LHPP: variants seen among roughly 807,000 people sequenced by gnomAD.
LHPP encodes phospholysine phosphohistidine inorganic pyrophosphate phosphatase, also known as hLHPP.
Under a neutral mutation model 30.3 loss-of-function variants are expected in LHPP, and 24 were observed. That is an observed-to-expected ratio of 0.79 (90% CI 0.57 to 1.11). LHPP has a LOEUF of 1.11. LHPP is among the 50% of genes most tolerant of loss of function. The probability of loss-of-function intolerance (pLI) is 0.00; values close to 1 mark genes in which losing one functional copy is unlikely to be tolerated. For synonymous variants in LHPP, 150 were observed against 157.1 expected, an observed-to-expected ratio of 0.95 and a Z score of 0.34; for missense variants, 356 against 367.2, an observed-to-expected ratio of 0.97 and a Z score of 0.25.
chr10:124,472,690 T>C (rs1755993438), intron 1 of LHPP, among the ~76,000 whole-genome samples: 1 of 152,054 alleles, frequency 6.6e-6, no homozygotes, highest in South Asian at 2.1e-4. Flanking sequence ...CCTGAGTAGC[T>C]GGGACTACAG....
chr10:124,544,124 G>C (rs1468592104), intron 6 of LHPP, among the ~76,000 whole-genome samples: 1 of 152,208 alleles, frequency 6.6e-6, no homozygotes, highest in African/African-American at 2.4e-5. Context: ...GATGCTGAGA[G>C]CCCAGCAGAG....
intron 5 of LHPP, chr10:124,498,816 G>C (rs796898743): frequency 7.3e-4 from 231 of 317,476 alleles, no homozygotes; most frequent in African/African-American, 5.1e-3. Flanking sequence ...TACTAACCAG[G>C]CCCCCCCCCC....
intron 6 of LHPP, among the ~76,000 whole-genome samples, chr10:124,570,890 T>C (rs1948575314): frequency 1.3e-5 from 2 of 152,230 alleles, no homozygotes; most frequent in African/African-American, 2.4e-5. Context: ...TTTGGATTGC[T>C]TCCTGATATG....
chr10:124,485,535 G>A (rs1341980379), intron 2 of LHPP, among the ~76,000 whole-genome samples: 1 of 151,758 alleles, frequency 6.6e-6, no homozygotes, highest in Non-Finnish European at 1.5e-5. Flanking sequence ...TGGATTTTCT[G>A]TCTAACATTT....
chr10:124,513,831 CAT>C (rs906765613), intron 5 of LHPP, among the ~76,000 whole-genome samples: 5 of 150,484 alleles, frequency 3.3e-5, no homozygotes, highest in African/African-American at 7.3e-5. Context: ...AGCAATAACA[CAT>C]GTTAATGTGG....
chr10:124,494,356 A>G (rs1953635062), intron 3 of LHPP, among the ~76,000 whole-genome samples: 1 of 152,196 alleles, frequency 6.6e-6, no homozygotes, highest in African/African-American at 2.4e-5. Flanking sequence ...AGAAGCCCCC[A>G]GAATCCTCAG....
chr10:124,526,325 AC>A (rs1368390406), intron 6 of LHPP: 7 of 760,764 alleles, frequency 9.2e-6, no homozygotes, highest in African/African-American at 3.8e-5. Flanking sequence ...GCTCGTCTAC[AC>A]CCTGCAACAG....
chr10:124,592,836 A>G lies in LHPP; in HGVS notation c.717-20428A>G, dbSNP rs1396035882. ...ACAAGATTCCGTCTAGGAATCGTCCAGGGCGCGGCAGCCCGCCAGGAGCCC... is the reference window on the plus strand; with the variant it reads ...ACAAGATTCCGTCTAGGAATCGTCCGGGGCGCGGCAGCCCGCCAGGAGCCC... On this transcript the variant is annotated intron_variant, in intron 6 of 6. Transcript: ENST00000368842. The surrounding 1 kb of genome is among the most constrained non-coding windows in gnomAD (Gnocchi z 6.2). Among the ~76,000 whole-genome samples, 2 of 152,190 alleles carry G rather than the reference A, an allele frequency of 1.3e-5. No homozygotes were observed. Among genetic ancestry groups the G allele is most frequent in the Non-Finnish European group, 2.9e-5 (2 of 68,028 alleles).
chr10:124,575,623 C>T (rs1948647698), intron 6 of LHPP, among the ~76,000 whole-genome samples: 1 of 152,118 alleles, frequency 6.6e-6, no homozygotes, highest in South Asian at 2.1e-4. Flanking sequence ...AAGCTCTGAG[C>T]AGAGACCTCT....
intron 6 of LHPP, among the ~76,000 whole-genome samples, chr10:124,535,992 T>G (rs191361907): frequency 2.7e-4 from 41 of 152,352 alleles, no homozygotes; most frequent in Admixed American, 9.8e-4. Flanking sequence ...CAGGCAGGAT[T>G]CCCCTGGGCT....
At chr10:124,540,660 G>C (rs746284809) in intron 6 of LHPP, among the ~76,000 whole-genome samples, 4 of 152,228 alleles carry the variant, frequency 2.6e-5, no homozygotes, top group African/African-American at 7.2e-5. Context: ...CGTGGCTTGG[G>C]GTTCACGGTG....
chr10:124,478,384 G>C lies in LHPP; in HGVS notation c.126-5755G>C, dbSNP rs919178167. Among the ~76,000 whole-genome samples, 1 of 152,150 alleles carries C rather than the reference G, an allele frequency of 6.6e-6. No individual in the cohort carries two copies. Among genetic ancestry groups the C allele is most frequent in the African/African-American group, 2.4e-5 (1 of 41,440 alleles). The stretch of plus-strand genomic sequence containing the variant: ...CCGGGGCTAGAGGGCAGGGGGCCCA[G>C]CTGGGAGGGGCTCATGCTGCCCTTT... On this transcript the variant is annotated intron_variant, in intron 1 of 6. Transcript: ENST00000368842. The surrounding 1 kb of genome is among the most constrained non-coding windows in gnomAD (Gnocchi z 4.7).
chr10:124,611,288 C>T (rs1244033998), intron 6 of LHPP, among the ~76,000 whole-genome samples: 1 of 152,036 alleles, frequency 6.6e-6, no homozygotes, highest in East Asian at 1.9e-4. Context: ...GAGTAGAACT[C>T]AGTCAGATCC....
chr10:124,555,845 G>C (rs542912376), intron 6 of LHPP, among the ~76,000 whole-genome samples: 1 of 151,984 alleles, frequency 6.6e-6, no homozygotes, highest in South Asian at 2.1e-4. Context: ...GTTCTGCCCC[G>C]AGCTGTTTGT....
chr10:124,550,940 G>A (rs565290329), intron 6 of LHPP, among the ~76,000 whole-genome samples: 1 of 152,174 alleles, frequency 6.6e-6, no homozygotes, highest in Non-Finnish European at 1.5e-5. Context: ...TGGTGGACTA[G>A]AGCTCCGCTT....
In LHPP at chr10:124,549,595, G is replaced by GA. The variant is rs576658635; in HGVS notation, c.716+32326dup. 2.0e-3 allele frequency among the ~76,000 whole-genome samples: 305 copies of GA among 152,280 alleles called. 3 individuals are homozygous for GA. Among genetic ancestry groups the GA allele is most frequent in the African/African-American group, 6.7e-3 (278 of 41,570 alleles). On this transcript the variant is annotated intron_variant, in intron 6 of 6. Transcript: ENST00000368842. ...GTTAGCAAAACCTTAACAGTTCATA[G>GA]AAGAAATCATTTTTTACTTTTTTCC... is the stretch of plus-strand genomic sequence containing the variant.
At chr10:124,542,235 A>G (rs1400045655) in intron 6 of LHPP, among the ~76,000 whole-genome samples, 1 of 152,206 alleles carries the variant, frequency 6.6e-6, no homozygotes. Flanking sequence ...GGGCTTGCAC[A>G]GATCGGACTG....
chr10:124,504,386 G>T (rs567026392), intron 5 of LHPP, among the ~76,000 whole-genome samples: 21 of 144,532 alleles, frequency 1.5e-4, no homozygotes, highest in Non-Finnish European at 2.7e-4. Context: ...GAGCCCAAAA[G>T]TTTGAGACCA....
At chr10:124,508,167 G>A (rs551500718) in intron 5 of LHPP, among the ~76,000 whole-genome samples, 11 of 152,134 alleles carry the variant, frequency 7.2e-5, no homozygotes, top group South Asian at 2.1e-4. Context: ...GGGCCACTCC[G>A]GCCCAGTTCT....
Sources: gnomAD v4.1 joint callset for allele counts (sites outside exome capture counted in the v4.1 genomes callset) on GRCh38, gnomAD v4.1.1 for gene constraint, Gnocchi (gnomAD v3.1) non-coding constraint, MANE v1.5 for transcripts, NCBI Gene and HGNC (gene_info 2026-07-23, HGNC 2026-07-21) for gene names.